The following NELL1 variants were observed in gnomAD, a reference collection of about 807,000 sequenced individuals.
NELL1 encodes the protein protein kinase C-binding protein NELL1.
NELL1 carries 76 observed loss-of-function variants against 107.4 expected under a neutral mutation model. The ratio of observed to expected loss-of-function variants is 0.71; its 90% CI spans 0.59 to 0.86. The LOEUF (loss-of-function observed/expected upper bound fraction) is 0.86, where lower values mean the gene tolerates loss of function less well. Among genes scored for constraint, NELL1 ranks in the 40% least tolerant of loss-of-function variants. The pLI, the probability that NELL1 is intolerant of heterozygous loss-of-function variation, is 0.00. For missense variants in NELL1, 1,024 were observed against 1,005.5 expected, an observed-to-expected ratio of 1.02 and a Z score of -0.25; for synonymous variants, 353 against 341.2, an observed-to-expected ratio of 1.03 and a Z score of -0.38.
chr11:21,417,609 A>G (rs754488232), intron 15 of NELL1, among the ~76,000 whole-genome samples: 13 of 152,046 alleles, frequency 8.6e-5, no homozygotes, highest in Middle Eastern at 3.2e-3. Context: ...CATAAAGTTG[A>G]TATGGTCAAC....
intron 14 of NELL1, among the ~76,000 whole-genome samples, chr11:21,297,592 T>C (rs1178688265): frequency 6.6e-6 from 1 of 152,034 alleles, no homozygotes. Flanking sequence ...CCATTCATTC[T>C]TTGACTCCTT....
chr11:20,726,205 A>T (rs1855504441), intron 2 of NELL1, among the ~76,000 whole-genome samples: 1 of 152,226 alleles, frequency 6.6e-6, no homozygotes, highest in African/African-American at 2.4e-5. Flanking sequence ...TGTGATGAAC[A>T]TGCAAGCACA....
At chr11:21,169,976 A>T in intron 13 of NELL1, 1 of 1,374,468 alleles carries the variant, frequency 7.3e-7, no homozygotes. Flanking sequence ...GGACAGGGAC[A>T]GTGCAATGCG....
intron 15 of NELL1, among the ~76,000 whole-genome samples, chr11:21,508,832 C>G (rs1175580956): frequency 6.6e-6 from 1 of 151,694 alleles, no homozygotes; most frequent in Non-Finnish European, 1.5e-5. Flanking sequence ...TTCTACCAAA[C>G]ACCTATATCA....
intron 15 of NELL1, among the ~76,000 whole-genome samples, chr11:21,514,016 T>C (rs1279590555): frequency 6.6e-6 from 1 of 152,198 alleles, no homozygotes; most frequent in East Asian, 1.9e-4. Flanking sequence ...TATTGGTATT[T>C]ATCTTATCAA....
chr11:20,834,597 G>A (rs1161465169), intron 3 of NELL1, among the ~76,000 whole-genome samples: 1 of 152,018 alleles, frequency 6.6e-6, no homozygotes, highest in Non-Finnish European at 1.5e-5. Context: ...CAGCTACTAG[G>A]GAGGCTGAGG....
chr11:21,520,499 C>T (rs1855692713), intron 15 of NELL1, among the ~76,000 whole-genome samples: 1 of 152,116 alleles, frequency 6.6e-6, no homozygotes, highest in Non-Finnish European at 1.5e-5. Context: ...TGAAGAGGTT[C>T]TGGCCTATAG....
At position 20,769,923 on chromosome 11, in the gene NELL1, A is replaced by G. The variant is rs548198669; in HGVS notation, c.185-13757A>G. The stretch of plus-strand genomic sequence containing the variant: ...AAAGAATATCTGTTGTCTAAGTTAG[A>G]TGATACCCAAGTAGAAAAGACTGCG... On this transcript the variant is annotated intron_variant, in intron 2 of 19. Transcript: ENST00000357134. Among the ~76,000 whole-genome samples, 4 of 152,272 alleles carry G rather than the reference A, an allele frequency of 2.6e-5. No homozygotes were observed. The East Asian group carries it at 5.8e-4, about 22-fold the overall frequency.
In NELL1 at chr11:21,375,457, C is replaced by T. The variant is rs141502857; in HGVS notation, c.1645+4509C>T. On this transcript the variant is annotated intron_variant, in intron 15 of 19. Coordinates refer to ENST00000357134, the MANE Select transcript of NELL1 (RefSeq NM_006157.5). ...TTTCTTTATCCACTCCACTATTGAGCACTTAGATTGATTCTATATATTTGT... is the reference window on the plus strand; with the variant it reads ...TTTCTTTATCCACTCCACTATTGAGTACTTAGATTGATTCTATATATTTGT... Among the ~76,000 whole-genome samples the T allele has an allele frequency of 3.1e-4, 47 of 152,102 alleles. 1 individual carries two copies. Among genetic ancestry groups the T allele is most frequent in the Middle Eastern group, 3.4e-3 (1 of 294 alleles).
At chr11:21,229,936 C>T (rs1363373448) in intron 14 of NELL1, among the ~76,000 whole-genome samples, 1 of 152,146 alleles carries the variant, frequency 6.6e-6, no homozygotes, top group Non-Finnish European at 1.5e-5. Flanking sequence ...TAAAATTCCT[C>T]CTTCTGGCTT....
At chr11:21,305,734 A>G (rs1300362968) in intron 14 of NELL1, among the ~76,000 whole-genome samples, 2 of 151,808 alleles carry the variant, frequency 1.3e-5, no homozygotes, top group Non-Finnish European at 2.9e-5. Context: ...TATAGATTCT[A>G]TATATATATT....
At chr11:20,874,447 A>G (rs999811043) in intron 4 of NELL1, among the ~76,000 whole-genome samples, 1 of 152,238 alleles carries the variant, frequency 6.6e-6, no homozygotes, top group African/African-American at 2.4e-5. Context: ...ATTTGAATTT[A>G]GAATTCACCA....
At chr11:21,194,690 A>G (rs76526200) in intron 13 of NELL1, among the ~76,000 whole-genome samples, 6,861 of 152,270 alleles carry the variant, frequency 0.045, 237 homozygotes, top group Non-Finnish European at 0.069. Context: ...TTTTAGGGGT[A>G]AGGCCCAGAA....
intron 14 of NELL1, among the ~76,000 whole-genome samples, chr11:21,255,327 T>A (rs892141763): frequency 6.6e-6 from 1 of 152,076 alleles, no homozygotes; most frequent in African/African-American, 2.4e-5. Context: ...GTTCTTTTAG[T>A]GATGGAAAAG....
intron 12 of NELL1, among the ~76,000 whole-genome samples, chr11:21,012,429 C>G (rs1185706889): frequency 6.6e-6 from 1 of 152,094 alleles, no homozygotes; most frequent in African/African-American, 2.4e-5. Context: ...TGCTCACCCC[C>G]ATCCTGCATG....
At chr11:21,049,547 C>A (rs371010792) in intron 12 of NELL1, among the ~76,000 whole-genome samples, 1 of 152,098 alleles carries the variant, frequency 6.6e-6, no homozygotes, top group Non-Finnish European at 1.5e-5. Flanking sequence ...CAAATTACCC[C>A]CAAGATGAGA....
chr11:21,128,359 C>A (rs115048684), intron 13 of NELL1, among the ~76,000 whole-genome samples: 302 of 151,928 alleles, frequency 2.0e-3, no homozygotes, highest in African/African-American at 7.0e-3. Flanking sequence ...AGCATTTTTC[C>A]CCCCTTTTGG....
chr11:21,524,843 T>C (rs956749820), intron 15 of NELL1, among the ~76,000 whole-genome samples: 10 of 152,140 alleles, frequency 6.6e-5, no homozygotes, highest in Admixed American at 6.5e-4. Flanking sequence ...TTCATAGCAG[T>C]CAAATTTCAA....
intron 14 of NELL1, among the ~76,000 whole-genome samples, chr11:21,242,388 C>T: frequency 6.6e-6 from 1 of 151,998 alleles, no homozygotes; most frequent in Non-Finnish European, 1.5e-5. Context: ...ATTATGAAAG[C>T]AGCACCTATC....
Sources: gnomAD v4.1 joint callset for allele counts (sites outside exome capture counted in the v4.1 genomes callset) on GRCh38, gnomAD v4.1.1 for gene constraint, MANE v1.5 for transcripts, NCBI Gene and HGNC (gene_info 2026-07-23, HGNC 2026-07-21) for gene names.